Variants in SSH2 observed in about 807,000 individuals in gnomAD.
SSH2 encodes the protein slingshot protein phosphatase 2, also known as protein phosphatase Slingshot homolog 2.
In SSH2, 37 loss-of-function variants were observed where a neutral mutation model predicts 135.2. The ratio of observed to expected loss-of-function variants is 0.27; its 90% CI spans 0.21 to 0.36. The LOEUF is 0.36. Ranked by LOEUF, SSH2 falls within the 10% of genes least tolerant of loss-of-function variation. SSH2 has a pLI of 1.00. For missense variants in SSH2, 1,408 were observed against 1,765.3 expected (o/e 0.80, Z 3.63); for synonymous variants, 628 against 646.2 (o/e 0.97, Z 0.43).
chr17:29,881,111 T>C (rs1006272724), intron 1 of SSH2, among the ~76,000 whole-genome samples: 1 of 152,246 alleles, frequency 6.6e-6, no homozygotes, highest in African/African-American at 2.4e-5. Flanking sequence ...GTGCTCCTTA[T>C]ATATTCTAAA....
intron 1 of SSH2, among the ~76,000 whole-genome samples, chr17:29,921,192 T>C (rs2066970344): frequency 6.6e-6 from 1 of 152,200 alleles, no homozygotes; most frequent in African/African-American, 2.4e-5. Flanking sequence ...ACTTCACTTA[T>C]CTGAGTCTGT....
intron 1 of SSH2, among the ~76,000 whole-genome samples, chr17:29,857,024 C>G (rs974499303): frequency 6.6e-6 from 1 of 152,168 alleles, no homozygotes; most frequent in African/African-American, 2.4e-5. Context: ...TATCATTCCA[C>G]CCCTGGCCCC....
At chr17:29,759,642 T>A (rs150454299) in intron 3 of SSH2, among the ~76,000 whole-genome samples, 106 of 152,346 alleles carry the variant, frequency 7.0e-4, no homozygotes, top group African/African-American at 2.5e-3. Context: ...CTTCTATAGA[T>A]AGGTACCTCA....
chr17:29,730,018 G>T (rs577703289), intron 3 of SSH2, among the ~76,000 whole-genome samples: 1 of 152,072 alleles, frequency 6.6e-6, no homozygotes, highest in Non-Finnish European at 1.5e-5. Context: ...ATTACTGTAA[G>T]TTTAAAATAA....
At position 29,696,791 on chromosome 17, in the gene SSH2, T is replaced by C. The variant is rs577894063; in HGVS notation, c.293-1268A>G. On this transcript the variant is annotated intron_variant, in intron 4 of 15. Transcript: ENST00000540801. ...GCTCCGCCTCCCAAGTTCACATCATTCTCCTGCCTCAGCCTCCCGAGTAGC... is the reference window on the plus strand; with the variant it reads ...GCTCCGCCTCCCAAGTTCACATCATCCTCCTGCCTCAGCCTCCCGAGTAGC... Among the ~76,000 whole-genome samples the C allele has an allele frequency of 5.3e-5, 8 of 151,272 alleles. 1 individual carries two copies. Among genetic ancestry groups the C allele is most frequent in the African/African-American group, 1.9e-4 (8 of 41,304 alleles).
At chr17:29,749,385 C>CCTTG (rs2040859004) in intron 3 of SSH2, among the ~76,000 whole-genome samples, 1 of 152,174 alleles carries the variant, frequency 6.6e-6, no homozygotes, top group Admixed American at 6.5e-5. Flanking sequence ...CTACTACACA[C>CCTTG]CTTGGCTGGC....
At chr17:29,691,191 C>T (rs2038458680) in intron 5 of SSH2, among the ~76,000 whole-genome samples, 1 of 152,000 alleles carries the variant, frequency 6.6e-6, no homozygotes, top group Admixed American at 6.6e-5. Context: ...AATCATAAAA[C>T]TTCTCATTTT....
At chr17:29,655,675 G>A (rs1477389517) in intron 11 of SSH2, 68 bp from the exon 12 acceptor site, 85 of 1,419,032 alleles carry the variant, frequency 6.0e-5, no homozygotes, top group Non-Finnish European at 6.0e-5. Context: ...GAAAAGGAGC[G>A]AGAGAAGAAG....
chr17:29,693,021 G>A (rs575908661), intron 5 of SSH2, among the ~76,000 whole-genome samples: 44 of 152,240 alleles, frequency 2.9e-4, no homozygotes, highest in African/African-American at 9.9e-4. Context: ...GGGCAGTGGC[G>A]TGATCATGGC....
intron 14 of SSH2, chr17:29,647,804 A>T (rs1002975396): frequency 2.7e-4 from 68 of 248,584 alleles, no homozygotes; most frequent in Non-Finnish European, 3.5e-4. Context: ...CTGGGATTAC[A>T]GGGGCCCATC....
At chr17:29,666,463 A>T (rs1358775932) in intron 11 of SSH2, among the ~76,000 whole-genome samples, 1 of 152,166 alleles carries the variant, frequency 6.6e-6, no homozygotes, top group Non-Finnish European at 1.5e-5. Flanking sequence ...CGGGCAGATC[A>T]CCTGAGGTCA....
At chr17:29,813,227 AC>A (rs2042479884) in intron 2 of SSH2, among the ~76,000 whole-genome samples, 1 of 151,596 alleles carries the variant, frequency 6.6e-6, no homozygotes, top group Non-Finnish European at 1.5e-5. Flanking sequence ...TACTAAAAAT[AC>A]AAAAATTAGC....
At chr17:29,820,955 A>T (rs751034558) in intron 2 of SSH2, among the ~76,000 whole-genome samples, 5 of 152,106 alleles carry the variant, frequency 3.3e-5, no homozygotes, top group Non-Finnish European at 7.3e-5. Flanking sequence ...AGAACTCCAG[A>T]CACTTTCATT....
chr17:29,689,036 T>C (rs1374832279), intron 5 of SSH2, among the ~76,000 whole-genome samples: 2 of 152,052 alleles, frequency 1.3e-5, no homozygotes, highest in African/African-American at 2.4e-5. Flanking sequence ...CATGTGTCTA[T>C]AATCCCAGCT....
At chr17:29,901,838 A>G (rs1219540291) in intron 1 of SSH2, among the ~76,000 whole-genome samples, 2 of 151,786 alleles carry the variant, frequency 1.3e-5, no homozygotes, top group Non-Finnish European at 2.9e-5. Context: ...CTGGAACGCA[A>G]TGGCATGTGA....
Position 29,631,894 on chromosome 17 carries a change from G to A in SSH2, c.3300C>T (p.Pro1100=), listed in dbSNP as rs751441228. The stretch of plus-strand genomic sequence containing the variant: ...AAGAATGAGGCAGAGGTAGCACTTG[G>A]GGGTGCAGAGAAACCTGGTTGGGGT... ...TLDPNQVSLH[P]QVLPLPHSSS... Residue 1100 remains proline, a synonymous_variant, in exon 16 of 16, where the codon CCC becomes CCT. Transcript: ENST00000540801. The A allele has an allele frequency of 6.2e-7, 1 of 1,614,206 alleles. No individual in the cohort carries two copies. The highest frequency in any genetic ancestry group is 1.1e-5 in the South Asian group (1 of 91,084).
chr17:29,662,044 T>C (rs1567854207), intron 11 of SSH2, among the ~76,000 whole-genome samples: 1 of 152,320 alleles, frequency 6.6e-6, no homozygotes, highest in African/African-American at 2.4e-5. Flanking sequence ...CCATGCTTCA[T>C]AGGCTTATGG....
At chr17:29,807,794 T>C (rs2042372144) in intron 2 of SSH2, among the ~76,000 whole-genome samples, 1 of 151,174 alleles carries the variant, frequency 6.6e-6, no homozygotes, top group Non-Finnish European at 1.5e-5. Flanking sequence ...AGGTATTTAT[T>C]AGCATCTTAG....
chr17:29,738,026 C>T (rs543540599), intron 3 of SSH2, among the ~76,000 whole-genome samples: 44 of 152,274 alleles, frequency 2.9e-4, no homozygotes, highest in African/African-American at 9.9e-4. Flanking sequence ...GTGCTGCACC[C>T]ATTAACTTGT....
Sources: gnomAD v4.1 joint callset for allele counts (sites outside exome capture counted in the v4.1 genomes callset) on GRCh38, gnomAD v4.1.1 for gene constraint, MANE v1.5 for transcripts, NCBI Gene and HGNC (gene_info 2026-07-23, HGNC 2026-07-21) for gene names.